Variants in RHOJ observed in about 807,000 individuals in gnomAD.
RHOJ encodes rho-related GTP-binding protein RhoJ.
In RHOJ, 11 loss-of-function variants were observed where a neutral mutation model predicts 23.4. That is an observed-to-expected ratio of 0.47 (90% CI 0.30 to 0.78). The LOEUF (loss-of-function observed/expected upper bound fraction) is 0.78, where lower values mean the gene tolerates loss of function less well. Among genes scored for constraint, RHOJ ranks in the 30% least tolerant of loss-of-function variants. The probability of loss-of-function intolerance (pLI) is 0.08; values close to 1 mark genes in which losing one functional copy is unlikely to be tolerated. For missense variants in RHOJ, 254 were observed against 273.4 expected (o/e 0.93, Z 0.50); for synonymous variants, 102 against 102.7 (o/e 0.99, Z 0.04).
chr14:63,211,378 T>C (rs1327604584), intron 1 of RHOJ, among the ~76,000 whole-genome samples: 1 of 152,096 alleles, frequency 6.6e-6, no homozygotes, highest in East Asian at 1.9e-4. Flanking sequence ...CGCACAAGGA[T>C]CCCTTGAGCC....
At position 63,291,960 on chromosome 14, in the gene RHOJ, T is replaced by C. The variant is rs1882266366; in HGVS notation, c.*936T>C. 1 of 152,242 alleles carries C rather than the reference T, an allele frequency of 6.6e-6. No individual in the cohort carries two copies. The highest frequency in any genetic ancestry group is 1.5e-5 in the Non-Finnish European group (1 of 68,030). The allele number at this position is 152,242 out of a possible 1,614,324, so 9.4% of individuals were successfully genotyped here. ...ACATTCCTGCTCCTCCCTTCCCCCA[T>C]TGCATGCCCTCTTCCTCCCTTGATT... On this transcript the variant is annotated 3_prime_UTR_variant, in exon 5 of 5. Coordinates refer to ENST00000316754, the MANE Select transcript of RHOJ (RefSeq NM_020663.5).
chr14:63,248,043 G>C (rs1425342902), intron 1 of RHOJ, among the ~76,000 whole-genome samples: 1 of 151,972 alleles, frequency 6.6e-6, no homozygotes, highest in Non-Finnish European at 1.5e-5. Context: ...TCACCCACTG[G>C]GTCCCTCTCA....
chr14:63,280,290 C>T (rs1474386613), intron 2 of RHOJ, among the ~76,000 whole-genome samples: 1 of 152,100 alleles, frequency 6.6e-6, no homozygotes, highest in Non-Finnish European at 1.5e-5. Flanking sequence ...TTCCAAAGTG[C>T]TGGGATTACA....
chr14:63,282,703 G>A lies in RHOJ; in HGVS notation c.403-418G>A, dbSNP rs74384084. Among the ~76,000 whole-genome samples the A allele has an allele frequency of 6.4e-3, 976 of 151,550 alleles. 17 individuals carry two copies. Among genetic ancestry groups the A allele is most frequent in the African/African-American group, 0.023 (930 of 41,298 alleles). Reference sequence around the variant, plus strand: ...AAGCGAAAAAAAAAAAAAAAAGATGGGTTCAAAGCCAGGAAATAAACTAGT... The same window carrying A: ...AAGCGAAAAAAAAAAAAAAAAGATGAGTTCAAAGCCAGGAAATAAACTAGT... On this transcript the variant is annotated intron_variant, in intron 3 of 4. Transcript: ENST00000316754.
intron 1 of RHOJ, among the ~76,000 whole-genome samples, chr14:63,242,476 G>A (rs1350532818): frequency 2.0e-5 from 3 of 152,126 alleles, no homozygotes; most frequent in African/African-American, 7.2e-5. Context: ...TGTTGAGGAG[G>A]GAGGATCACT....
chr14:63,225,624 A>G (rs1396132616), intron 1 of RHOJ, among the ~76,000 whole-genome samples: 1 of 152,174 alleles, frequency 6.6e-6, no homozygotes, highest in Non-Finnish European at 1.5e-5. Context: ...CAAAAACACA[A>G]ATTGTATTTT....
intron 1 of RHOJ, among the ~76,000 whole-genome samples, chr14:63,268,552 C>T (rs1165972957): frequency 6.6e-6 from 1 of 152,180 alleles, no homozygotes; most frequent in Non-Finnish European, 1.5e-5. Flanking sequence ...TTTTAAAAAA[C>T]TTTTCAAAAT....
At chr14:63,263,041 C>T (rs1013346377) in intron 1 of RHOJ, among the ~76,000 whole-genome samples, 2 of 152,150 alleles carry the variant, frequency 1.3e-5, no homozygotes, top group South Asian at 4.1e-4. Flanking sequence ...CGTTTAGTAC[C>T]CACCATAGGT....
chr14:63,255,097 C>A (rs1895139584), intron 1 of RHOJ, among the ~76,000 whole-genome samples: 1 of 152,118 alleles, frequency 6.6e-6, no homozygotes, highest in Admixed American at 6.5e-5. Flanking sequence ...CCTAAGGTTA[C>A]TTTGTTATAA....
At chr14:63,284,208 G>C in intron 4 of RHOJ, 1 of 984,286 alleles carries the variant, frequency 1.0e-6, no homozygotes, top group Non-Finnish European at 1.2e-6. Context: ...TTGCTTGCAG[G>C]CACTAAAACT....
chr14:63,261,675 A>G (rs907361040), intron 1 of RHOJ, among the ~76,000 whole-genome samples: 2 of 151,726 alleles, frequency 1.3e-5, no homozygotes, highest in Admixed American at 1.3e-4. Context: ...TCTTGAGCTT[A>G]AGCAATCCTC....
At chr14:63,252,543 G>GT (rs1340128184) in intron 1 of RHOJ, among the ~76,000 whole-genome samples, 1 of 152,088 alleles carries the variant, frequency 6.6e-6, no homozygotes, top group Non-Finnish European at 1.5e-5. Context: ...TCAAAACGTT[G>GT]TTTTAACCCC....
intron 4 of RHOJ, among the ~76,000 whole-genome samples, chr14:63,287,303 G>T (rs1882112883): frequency 6.6e-6 from 1 of 152,204 alleles, no homozygotes; most frequent in African/African-American, 2.4e-5. Context: ...CCATAAGGGA[G>T]GTTACTTAGC....
intron 2 of RHOJ, 81 bp downstream of exon 2, chr14:63,269,249 C>T (rs1895423439): frequency 7.1e-6 from 7 of 979,418 alleles, no homozygotes; most frequent in Admixed American, 6.9e-5. Flanking sequence ...AGATGGGACT[C>T]ATAGCACAGA....
chr14:63,224,098 T>A (rs1894547039), intron 1 of RHOJ, among the ~76,000 whole-genome samples: 2 of 152,196 alleles, frequency 1.3e-5, no homozygotes, highest in Admixed American at 6.5e-5. Flanking sequence ...CATGAAAGTG[T>A]TTGTGTGCTG....
In RHOJ at chr14:63,278,943, G is replaced by A. The variant is rs150670231; in HGVS notation, c.238-2028G>A. On this transcript the variant is annotated intron_variant, in intron 2 of 4. Coordinates refer to ENST00000316754, the MANE Select transcript of RHOJ (RefSeq NM_020663.5). ...TGAAGCTGCAGTGAGCCATGATCAC[G>A]CCATTGCACTCCAGCCTGGGCAATA... is the stretch of plus-strand genomic sequence containing the variant. 2.4e-3 allele frequency among the ~76,000 whole-genome samples: 359 copies of A among 152,292 alleles called. 6 individuals are homozygous for A. The East Asian group carries it at 0.048, about 21-fold the overall frequency.
At chr14:63,228,687 A>T (rs1355802778) in intron 1 of RHOJ, among the ~76,000 whole-genome samples, 1 of 152,192 alleles carries the variant, frequency 6.6e-6, no homozygotes, top group Non-Finnish European at 1.5e-5. Flanking sequence ...CACACTTTAA[A>T]AATCCGAAGA....
chr14:63,276,521 T>C (rs950915720), intron 2 of RHOJ, among the ~76,000 whole-genome samples: 6 of 152,236 alleles, frequency 3.9e-5, no homozygotes, highest in Non-Finnish European at 5.9e-5. Flanking sequence ...TCACCTTATA[T>C]AGTTCATACA....
intron 1 of RHOJ, among the ~76,000 whole-genome samples, chr14:63,247,659 A>G (rs1232184672): frequency 2.0e-5 from 3 of 152,218 alleles, no homozygotes; most frequent in Non-Finnish European, 4.4e-5. Flanking sequence ...TAGGGGCATC[A>G]TCATGGCTTT....
Sources: gnomAD v4.1 joint callset for allele counts (sites outside exome capture counted in the v4.1 genomes callset) on GRCh38, gnomAD v4.1.1 for gene constraint, MANE v1.5 for transcripts, NCBI Gene and HGNC (gene_info 2026-07-23, HGNC 2026-07-21) for gene names.